The following EPSTI1 variants were observed in gnomAD, a reference collection of about 807,000 sequenced individuals.
EPSTI1 encodes the protein epithelial-stromal interaction protein 1.
A neutral mutation model predicts 49.9 loss-of-function variants in EPSTI1; 66 were observed. The ratio of observed to expected loss-of-function variants is 1.32; its 90% CI spans 1.08 to 1.62. EPSTI1 has a LOEUF of 1.62. Among genes scored for constraint, EPSTI1 ranks in the 40% most tolerant of loss-of-function variants. The pLI, the probability that EPSTI1 is intolerant of heterozygous loss-of-function variation, is 0.00. For synonymous variants in EPSTI1, 137 were observed against 130.7 expected, an observed-to-expected ratio of 1.05 and a Z score of -0.33; for missense variants, 394 against 365.5, an observed-to-expected ratio of 1.08 and a Z score of -0.64.
intron 8 of EPSTI1, 95 bp from the exon 9 acceptor site, chr13:42,900,478 C>A: frequency 8.4e-7 from 1 of 1,195,282 alleles, no homozygotes; most frequent in South Asian, 1.3e-5. Context: ...TCAACTGGTA[C>A]AATATTTCAT....
In EPSTI1 at chr13:42,955,881, G is replaced by GT. The variant is rs548889452; in HGVS notation, c.490-1861_490-1860insA. Among the ~76,000 whole-genome samples the GT allele has an allele frequency of 4.6e-3, 557 of 121,504 alleles. 4 individuals carry two copies. The highest frequency in any genetic ancestry group is 6.8e-3 in the Non-Finnish European group (386 of 56,684). 79.7% of individuals were successfully genotyped at this position (121,504 alleles called of 152,430 possible). A position where few individuals can be genotyped will look rare whatever the true frequency, so the allele number is the denominator to read the frequency against. ...GATAGTTGATGAAGAAGTATTTGGG[G>GT]GGGGGGGGAAGTAGTAGTAGTAGTA... On this transcript the variant is annotated intron_variant, in intron 5 of 10. Coordinates refer to ENST00000313624, the MANE Select transcript of EPSTI1 (RefSeq NM_033255.5).
chr13:42,891,383 A>G (rs868427589), intron 10 of EPSTI1, among the ~76,000 whole-genome samples: 2 of 152,220 alleles, frequency 1.3e-5, no homozygotes, highest in Admixed American at 6.5e-5. Context: ...ACAGTAAGAC[A>G]TAGATGTTGA....
intron 6 of EPSTI1, among the ~76,000 whole-genome samples, chr13:42,944,332 T>C (rs1411688034): frequency 6.6e-6 from 1 of 152,156 alleles, no homozygotes; most frequent in East Asian, 1.9e-4. Flanking sequence ...TGGAATACTA[T>C]GCAGACATAA....
chr13:42,929,761 AG>A (rs2038302352), intron 6 of EPSTI1, among the ~76,000 whole-genome samples: 1 of 152,166 alleles, frequency 6.6e-6, no homozygotes, highest in Non-Finnish European at 1.5e-5. Flanking sequence ...TAACAATATG[AG>A]CTTAGTGGTT....
intron 5 of EPSTI1, among the ~76,000 whole-genome samples, chr13:42,958,879 G>C (rs1350857862): frequency 1.3e-5 from 2 of 152,096 alleles, no homozygotes; most frequent in African/African-American, 2.4e-5. Context: ...AAAAACAAAA[G>C]TCACATATGT....
intron 8 of EPSTI1, among the ~76,000 whole-genome samples, chr13:42,909,280 A>G (rs1053388547): frequency 1.3e-5 from 2 of 152,098 alleles, no homozygotes; most frequent in Admixed American, 1.3e-4. Context: ...AAAAGGACAA[A>G]AGATAACAAG....
Position 42,887,703 on chromosome 13 carries a change from A to G in EPSTI1, c.*791T>C, listed in dbSNP as rs1428224731. 6.6e-6 allele frequency: 1 copy of G among 152,378 alleles called. No individual in the cohort carries two copies. The highest frequency in any genetic ancestry group is 2.4e-5 in the African/African-American group (1 of 41,474). The allele number at this position is 152,378 out of a possible 1,614,324, so 9.4% of individuals were successfully genotyped here. A position where few individuals can be genotyped will look rare whatever the true frequency, so the allele number is the denominator to read the frequency against. ...GAACTAGCAATAGGAAATAGGTTACACAGAGCAAAGAAAAAACAAGTTTCT... is the reference window on the plus strand; with the variant it reads ...GAACTAGCAATAGGAAATAGGTTACGCAGAGCAAAGAAAAAACAAGTTTCT... On this transcript the variant is annotated 3_prime_UTR_variant, in exon 11 of 11. Transcript: ENST00000313624.
intron 1 of EPSTI1, among the ~76,000 whole-genome samples, chr13:42,971,590 C>G (rs577541006): frequency 1.4e-4 from 20 of 145,878 alleles, no homozygotes; most frequent in African/African-American, 4.5e-4. Context: ...ACACAACCAG[C>G]TTCTAACTGT....
chr13:42,986,702 G>A (rs944840250), intron 1 of EPSTI1, among the ~76,000 whole-genome samples: 3 of 125,230 alleles, frequency 2.4e-5, no homozygotes, highest in African/African-American at 3.1e-5. Flanking sequence ...CTGAGATCAC[G>A]CCACTGCACT....
chr13:42,887,731 A>G lies in EPSTI1; in HGVS notation c.*763T>C, dbSNP rs2036903771. 6.6e-6 allele frequency: 1 copy of G among 152,282 alleles called. No individual in the cohort carries two copies. Among genetic ancestry groups the G allele is most frequent in the South Asian group, 2.1e-4 (1 of 4,832 alleles). The allele number at this position is 152,282 out of a possible 1,614,324, so 9.4% of individuals were successfully genotyped here. A position where few individuals can be genotyped will look rare whatever the true frequency, so the allele number is the denominator to read the frequency against. On this transcript the variant is annotated 3_prime_UTR_variant, in exon 11 of 11. Coordinates refer to ENST00000313624, the MANE Select transcript of EPSTI1 (RefSeq NM_033255.5). ...GAGCAAAGAAAAAACAAGTTTCTGA[A>G]ACATGTACAAACTACATATGATGTC... is the stretch of plus-strand genomic sequence containing the variant.
chr13:42,941,884 G>A (rs1011346934), intron 6 of EPSTI1, among the ~76,000 whole-genome samples: 22 of 152,042 alleles, frequency 1.4e-4, no homozygotes, highest in South Asian at 4.2e-4. Flanking sequence ...ATTATGCTTA[G>A]CATTGTTATT....
At chr13:42,983,154 C>T (rs561238497) in intron 1 of EPSTI1, among the ~76,000 whole-genome samples, 20 of 152,246 alleles carry the variant, frequency 1.3e-4, no homozygotes, top group African/African-American at 4.3e-4. Flanking sequence ...AGCCATGAAC[C>T]TAGGGATAGG....
At chr13:42,928,615 G>A (rs1047387105) in intron 6 of EPSTI1, among the ~76,000 whole-genome samples, 1 of 152,154 alleles carries the variant, frequency 6.6e-6, no homozygotes, top group African/African-American at 2.4e-5. Context: ...ATCTTTAAGG[G>A]TCCTTCCTGC....
intron 5 of EPSTI1, among the ~76,000 whole-genome samples, chr13:42,961,441 CTCTAG>C (rs1231920835): frequency 6.6e-6 from 1 of 152,146 alleles, no homozygotes; most frequent in African/African-American, 2.4e-5. Flanking sequence ...CTGTGACAGA[CTCTAG>C]TCTAGGGAAT....
At chr13:42,973,303 A>G (rs2039809231) in intron 1 of EPSTI1, among the ~76,000 whole-genome samples, 1 of 152,232 alleles carries the variant, frequency 6.6e-6, no homozygotes, top group Non-Finnish European at 1.5e-5. Context: ...AACATAAAAT[A>G]AAGGGAAAGA....
intron 8 of EPSTI1, among the ~76,000 whole-genome samples, chr13:42,917,322 A>T (rs978420683): frequency 1.3e-5 from 2 of 152,180 alleles, no homozygotes; most frequent in African/African-American, 4.8e-5. Context: ...CAGCAGATCC[A>T]CTGTGCATCC....
At position 42,977,947 on chromosome 13, in the gene EPSTI1, G is replaced by A. The variant is rs575117052; in HGVS notation, c.189-7277C>T. 3.9e-5 allele frequency among the ~76,000 whole-genome samples: 6 copies of A among 152,218 alleles called. No individual in the cohort carries two copies. In the South Asian group the frequency reaches 8.3e-4, roughly 21 times the overall value. On this transcript the variant is annotated intron_variant, in intron 1 of 10. Transcript: ENST00000313624. ...AGGCAGATCACGAGGTCAGGAGATC[G>A]AGACCATCCTGGCTAACACGGTGAA...
chr13:42,892,856 C>G (rs1368410772), intron 10 of EPSTI1, among the ~76,000 whole-genome samples: 1 of 152,126 alleles, frequency 6.6e-6, no homozygotes, highest in Non-Finnish European at 1.5e-5. Context: ...GCAAGGAATT[C>G]AGCAAAGAGG....
chr13:42,978,368 C>T (rs967896896), intron 1 of EPSTI1, among the ~76,000 whole-genome samples: 5 of 152,028 alleles, frequency 3.3e-5, no homozygotes, highest in African/African-American at 9.7e-5. Flanking sequence ...CAACGCATAG[C>T]GGGGAGGGGG....
Sources: allele counts gnomAD v4.1 joint callset (sites outside exome capture counted in the v4.1 genomes callset), GRCh38; gene constraint gnomAD v4.1.1; transcripts MANE v1.5; gene names NCBI Gene and HGNC (gene_info 2026-07-23, HGNC 2026-07-21).